NRXN1: variants seen among roughly 807,000 people sequenced by gnomAD.
NRXN1 encodes the protein neurexin 1.
Under a neutral mutation model 150.9 loss-of-function variants are expected in NRXN1, and 39 were observed. The ratio of observed to expected loss-of-function variants is 0.26; its 90% CI spans 0.20 to 0.34. NRXN1 has a LOEUF of 0.34. Ranked by LOEUF, NRXN1 falls within the 10% of genes least tolerant of loss-of-function variation. The pLI is 1.00. For synonymous variants in NRXN1, 924 were observed against 757.0 expected (o/e 1.22, Z -3.62); for missense variants, 1,815 against 1,949.9 (o/e 0.93, Z 1.30).
At chr2:50,803,033 T>C (rs1469924253) in intron 5 of NRXN1, among the ~76,000 whole-genome samples, 1 of 152,212 alleles carries the variant, frequency 6.6e-6, no homozygotes, top group African/African-American at 2.4e-5. Flanking sequence ...ACCCAGCTTT[T>C]GGTACTTTTT....
In NRXN1 at chr2:50,919,185, A is replaced by G. The variant is rs571474819; in HGVS notation, c.832+2684T>C. ...TAACATGTCTCCAGCTGACTTCGCC[A>G]TTTTTGTCATGTACACATGATAAGG... On this transcript the variant is annotated intron_variant, in intron 5 of 22. Coordinates refer to ENST00000401669, the MANE Select transcript of NRXN1 (RefSeq NM_001330078.2). 2.0e-5 allele frequency: 3 copies of G among 151,790 alleles called. No individual in the cohort carries two copies. In the East Asian group the frequency reaches 5.9e-4, roughly 30 times the overall value. The allele number at this position is 151,790 out of a possible 1,614,324, so 9.4% of individuals were successfully genotyped here.
At chr2:50,509,576 T>G (rs2092372768) in intron 12 of NRXN1, among the ~76,000 whole-genome samples, 1 of 152,196 alleles carries the variant, frequency 6.6e-6, no homozygotes, top group Admixed American at 6.5e-5. Flanking sequence ...TTACAGTTCC[T>G]TTAGAATTTC....
At chr2:50,738,255 A>AAAAGC (rs1185521319) in intron 5 of NRXN1, among the ~76,000 whole-genome samples, 1 of 152,212 alleles carries the variant, frequency 6.6e-6, no homozygotes, top group African/African-American at 2.4e-5. Context: ...TTTCTCATTA[A>AAAAGC]TGACACTGCA....
chr2:50,464,571 C>A (rs2088613012), intron 17 of NRXN1: 1 of 151,928 alleles, frequency 6.6e-6, no homozygotes, highest in Non-Finnish European at 1.5e-5. Flanking sequence ...AAACCTTCAA[C>A]CGTTGCATCT....
At chr2:50,527,517 G>A (rs916680854) in intron 12 of NRXN1, among the ~76,000 whole-genome samples, 1 of 152,062 alleles carries the variant, frequency 6.6e-6, no homozygotes, top group African/African-American at 2.4e-5. Context: ...TCATCATTCT[G>A]TTACTTTTTT....
At chr2:50,513,413 T>C (rs1282540488) in intron 12 of NRXN1, among the ~76,000 whole-genome samples, 1 of 152,148 alleles carries the variant, frequency 6.6e-6, no homozygotes, top group Admixed American at 6.5e-5. Flanking sequence ...AAAGTCAAAT[T>C]TTTTGGAACA....
At chr2:49,940,701 T>G (rs1671833097) in intron 22 of NRXN1, among the ~76,000 whole-genome samples, 3 of 152,176 alleles carry the variant, frequency 2.0e-5, no homozygotes, top group Non-Finnish European at 2.9e-5. Flanking sequence ...AAGAGCCACC[T>G]TCATATGAAG....
chr2:50,097,898 C>G (rs561916540), intron 18 of NRXN1, among the ~76,000 whole-genome samples: 1 of 152,264 alleles, frequency 6.6e-6, no homozygotes, highest in African/African-American at 2.4e-5. Context: ...CTTGGCCTCT[C>G]AGACTGCTGG....
intron 21 of NRXN1, chr2:50,019,298 G>A (rs928124085): frequency 2.1e-6 from 1 of 471,370 alleles, no homozygotes; most frequent in East Asian, 7.0e-5. Context: ...TGAGGACAGG[G>A]ATATGTTTAT....
chr2:50,231,813 C>T (rs11125297), intron 18 of NRXN1, among the ~76,000 whole-genome samples: 3 of 151,998 alleles, frequency 2.0e-5, no homozygotes, highest in African/African-American at 2.4e-5. Flanking sequence ...GCTATATGAG[C>T]GCTTTTCTCT....
chr2:50,945,877 G>GATATATATAT lies in NRXN1; in HGVS notation c.773-19932_773-19923dup, dbSNP rs72142854. Among the ~76,000 whole-genome samples, 69 of 138,672 alleles carry GATATATATAT rather than the reference G, an allele frequency of 5.0e-4. 1 individual carries two copies. The highest frequency in any genetic ancestry group is 3.8e-3 in the Middle Eastern group (1 of 262). 91.0% of individuals were successfully genotyped at this position (138,672 alleles called of 152,430 possible). On this transcript the variant is annotated intron_variant, in intron 2 of 22. Transcript: ENST00000401669. ...AATATGAAAGTACTTCAGAAAAACA[G>GATATATATAT]ATATATATATATATATATATATACA...
intron 11 of NRXN1, among the ~76,000 whole-genome samples, chr2:50,530,300 T>C (rs2093064655): frequency 6.6e-6 from 1 of 152,158 alleles, no homozygotes; most frequent in East Asian, 1.9e-4. Context: ...GGAAGAAAAC[T>C]GATTTCCAAT....
intron 5 of NRXN1, among the ~76,000 whole-genome samples, chr2:50,642,366 A>T (rs1325477631): frequency 1.3e-5 from 2 of 152,114 alleles, no homozygotes; most frequent in African/African-American, 4.8e-5. Context: ...CTTAGATAAC[A>T]TCTTGAAAGA....
At chr2:50,865,828 A>G (rs765052004) in intron 5 of NRXN1, among the ~76,000 whole-genome samples, 12 of 151,066 alleles carry the variant, frequency 7.9e-5, no homozygotes. Context: ...GGTGCTAGTC[A>G]TATTTATATT....
At chr2:50,309,147 T>A (rs1301888570) in intron 17 of NRXN1, among the ~76,000 whole-genome samples, 1 of 152,218 alleles carries the variant, frequency 6.6e-6, no homozygotes, top group Non-Finnish European at 1.5e-5. Context: ...TGTTATTTGA[T>A]GCATTTCATT....
At chr2:49,940,011 G>A (rs1671698020) in intron 22 of NRXN1, among the ~76,000 whole-genome samples, 1 of 152,052 alleles carries the variant, frequency 6.6e-6, no homozygotes, top group South Asian at 2.1e-4. Context: ...TCAAGATGAT[G>A]CTAGATTTTT....
At position 50,140,155 on chromosome 2, in the gene NRXN1, G is replaced by C. The variant is rs149713619; in HGVS notation, c.3547-48661C>G. Among the ~76,000 whole-genome samples the C allele has an allele frequency of 1.2e-4, 18 of 152,198 alleles. No individual in the cohort carries two copies. In the East Asian group the frequency reaches 3.5e-3, roughly 29 times the overall value. On this transcript the variant is annotated intron_variant, in intron 18 of 22. Transcript: ENST00000401669. ...TAAAATATATACAGCATGAAAGATT[G>C]CTTTGTCTCTTAGGACTTCACACTT...
At chr2:50,359,099 A>C (rs2079012840) in intron 17 of NRXN1, among the ~76,000 whole-genome samples, 1 of 152,204 alleles carries the variant, frequency 6.6e-6, no homozygotes, top group African/African-American at 2.4e-5. Context: ...ACTCCATCTG[A>C]AGTTTACCAA....
chr2:50,623,273 A>T, intron 6 of NRXN1, 41 bp downstream of exon 6: 2 of 1,547,512 alleles, frequency 1.3e-6, no homozygotes, highest in Non-Finnish European at 1.8e-6. Context: ...AGCTATAGCG[A>T]GAAACAAAGC....
Sources: allele counts gnomAD v4.1 joint callset (sites outside exome capture counted in the v4.1 genomes callset), GRCh38; gene constraint gnomAD v4.1.1; transcripts MANE v1.5; gene names NCBI Gene and HGNC (gene_info 2026-07-23, HGNC 2026-07-21).